The following NME7 variants were observed in gnomAD, a reference collection of about 807,000 sequenced individuals.
NME7 encodes the protein NME/NM23 family member 7.
NME7 carries 41 observed loss-of-function variants against 49.1 expected under a neutral mutation model. That is an observed-to-expected ratio of 0.83 (90% confidence interval 0.65 to 1.08). The LOEUF (loss-of-function observed/expected upper bound fraction) is 1.08, where lower values mean the gene tolerates loss of function less well. NME7 is among the 50% of genes least tolerant of loss of function. The pLI is 0.00. For synonymous variants in NME7, 139 were observed against 150.6 expected (o/e 0.92, Z 0.56); for missense variants, 423 against 463.4 (o/e 0.91, Z 0.80).
At chr1:169,136,968 G>C (rs1275531012) in intron 11 of NME7, among the ~76,000 whole-genome samples, 2 of 152,186 alleles carry the variant, frequency 1.3e-5, no homozygotes, top group African/African-American at 4.8e-5. Context: ...GTACAGATGT[G>C]CTTGAACACT....
At chr1:169,197,005 G>A (rs572992983) in intron 10 of NME7, among the ~76,000 whole-genome samples, 8 of 152,188 alleles carry the variant, frequency 5.3e-5, no homozygotes, top group African/African-American at 1.2e-4. Flanking sequence ...AGTACAGAAC[G>A]GGGTTAGGAA....
intron 10 of NME7, among the ~76,000 whole-genome samples, chr1:169,220,537 A>G (rs1661112288): frequency 6.6e-6 from 1 of 152,098 alleles, no homozygotes; most frequent in South Asian, 2.1e-4. Context: ...TCTCGGTTAG[A>G]CAAATGTTTC....
In NME7 at chr1:169,367,775, C is replaced by T; in HGVS notation, c.-65G>A. The T allele has an allele frequency of 6.2e-7, 1 of 1,603,834 alleles. No homozygotes were observed. Among genetic ancestry groups the T allele is most frequent in the Admixed American group, 1.7e-5 (1 of 60,018 alleles). ...GACAGGAAGACACCACCACCACCACCATCATACGGTTACTCAGGCAACAAA... is the reference window on the plus strand; with the variant it reads ...GACAGGAAGACACCACCACCACCACTATCATACGGTTACTCAGGCAACAAA... On this transcript the variant is annotated 5_prime_UTR_variant, in exon 1 of 12. The change abolishes an upstream ATG in the 5' untranslated region. Coordinates refer to ENST00000367811, the MANE Select transcript of NME7 (RefSeq NM_013330.5).
chr1:169,367,569 G>C (rs1653924065), intron 1 of NME7, 139 bp downstream of exon 1: 3 of 913,182 alleles, frequency 3.3e-6, no homozygotes, highest in Non-Finnish European at 5.5e-6. Flanking sequence ...TGCAGGAACA[G>C]CCCGTGGGAA....
In NME7 at chr1:169,367,792, G is replaced by C; in HGVS notation, c.-82C>G. 6.3e-7 allele frequency: 1 copy of C among 1,579,776 alleles called. No homozygotes were observed. The highest frequency in any genetic ancestry group is 8.7e-7 in the Non-Finnish European group (1 of 1,149,908). On this transcript the variant is annotated 5_prime_UTR_variant, in exon 1 of 12. Coordinates refer to ENST00000367811, the MANE Select transcript of NME7 (RefSeq NM_013330.5). ...ACCACCACCATCATACGGTTACTCAGGCAACAAAGCCCCGCCCACTGTCGC... is the reference window on the plus strand; with the variant it reads ...ACCACCACCATCATACGGTTACTCACGCAACAAAGCCCCGCCCACTGTCGC...
intron 11 of NME7, among the ~76,000 whole-genome samples, chr1:169,165,806 T>C (rs984371145): frequency 6.6e-5 from 10 of 152,198 alleles, no homozygotes; most frequent in Non-Finnish European, 1.2e-4. Context: ...TCCTTGACTA[T>C]CTCAGCACTC....
At chr1:169,231,530 A>T (rs1020648235) in intron 9 of NME7, among the ~76,000 whole-genome samples, 4 of 152,182 alleles carry the variant, frequency 2.6e-5, no homozygotes, top group African/African-American at 9.6e-5. Flanking sequence ...AGTATGCAGA[A>T]AATAAGCTAC....
At chr1:169,159,950 T>C (rs945762348) in intron 11 of NME7, among the ~76,000 whole-genome samples, 24 of 152,156 alleles carry the variant, frequency 1.6e-4, no homozygotes, top group Non-Finnish European at 3.1e-4. Context: ...CCTAGGTGAT[T>C]TCAATGCCAC....
At chr1:169,291,497 T>A (rs1031941860) in intron 6 of NME7, among the ~76,000 whole-genome samples, 2 of 151,944 alleles carry the variant, frequency 1.3e-5, no homozygotes, top group Admixed American at 6.6e-5. Context: ...CACCGTGGCA[T>A]GTTGCGGGGT....
intron 11 of NME7, among the ~76,000 whole-genome samples, chr1:169,133,251 T>C (rs976580805): frequency 1.9e-4 from 29 of 149,864 alleles, no homozygotes; most frequent in African/African-American, 5.6e-4. Flanking sequence ...ATAAAAAAGC[T>C]TTCCAAAAAA....
At chr1:169,251,549 T>TTC (rs1182598883) in intron 7 of NME7, among the ~76,000 whole-genome samples, 2 of 131,686 alleles carry the variant, frequency 1.5e-5, no homozygotes, top group East Asian at 6.8e-4. Context: ...TCTGGTTTCT[T>TTC]TTTTTTTTTT....
chr1:169,210,705 C>A (rs6704482), intron 10 of NME7, among the ~76,000 whole-genome samples: 1 of 151,890 alleles, frequency 6.6e-6, no homozygotes, highest in Admixed American at 6.6e-5. Context: ...TTGCCAGTTA[C>A]GTCATAATCA....
intron 7 of NME7, among the ~76,000 whole-genome samples, chr1:169,261,034 T>C (rs1490825819): frequency 2.3e-5 from 3 of 132,014 alleles, no homozygotes; most frequent in African/African-American, 7.7e-5. Flanking sequence ...ATAACATCAT[T>C]CCCTGAATCA....
chr1:169,200,966 C>T (rs1239506386), intron 10 of NME7, among the ~76,000 whole-genome samples: 2 of 152,046 alleles, frequency 1.3e-5, no homozygotes, highest in Non-Finnish European at 2.9e-5. Flanking sequence ...TGCCATGGCT[C>T]ACATCTGTAA....
Position 169,218,659 on chromosome 1 carries a change from A to ATTT in NME7, c.990+12056_990+12058dup, listed in dbSNP as rs34342694. On this transcript the variant is annotated intron_variant, in intron 10 of 11. Coordinates refer to ENST00000367811, the MANE Select transcript of NME7 (RefSeq NM_013330.5). ...ATTTAAAAAATTTTTCCAATTTTGAATTTTTTTTTTTTTTTTTTTTTTTTA... is the reference window on the plus strand; with the variant it reads ...ATTTAAAAAATTTTTCCAATTTTGAATTTTTTTTTTTTTTTTTTTTTTTTTTTA... Among the ~76,000 whole-genome samples, 183 of 118,150 alleles carry ATTT rather than the reference A, an allele frequency of 1.5e-3. 2 individuals carry two copies. The highest frequency in any genetic ancestry group is 5.1e-3 in the African/African-American group (155 of 30,354). 77.5% of individuals were successfully genotyped at this position (118,150 alleles called of 152,430 possible). A position where few individuals can be genotyped will look rare whatever the true frequency, so the allele number is the denominator to read the frequency against.
chr1:169,188,248 A>G (rs1274722162), intron 10 of NME7, among the ~76,000 whole-genome samples: 2 of 152,140 alleles, frequency 1.3e-5, no homozygotes, highest in Non-Finnish European at 2.9e-5. Context: ...AAATGTCTAT[A>G]AGTATTTTAT....
rs1650713012 is a variant in NME7 at position 169,296,490 on chromosome 1, C to T, written c.648+2066G>A. Among the ~76,000 whole-genome samples, 6 of 152,042 alleles carry T rather than the reference C, an allele frequency of 3.9e-5. No individual in the cohort carries two copies. In the South Asian group the frequency reaches 1.2e-3, roughly 32 times the overall value. On this transcript the variant is annotated intron_variant, in intron 6 of 11. Coordinates refer to ENST00000367811, the MANE Select transcript of NME7 (RefSeq NM_013330.5). ...CTCCTTACCTTTTATCAAGATGTAGCTTCATCTTTGGTCCTCTTTACTTCT... is the reference window on the plus strand; with the variant it reads ...CTCCTTACCTTTTATCAAGATGTAGTTTCATCTTTGGTCCTCTTTACTTCT...
At chr1:169,317,887 G>GGCCATATT (rs1220988911) in intron 3 of NME7, among the ~76,000 whole-genome samples, 2 of 152,192 alleles carry the variant, frequency 1.3e-5, no homozygotes, top group Admixed American at 1.3e-4. Context: ...CTCCATGTCC[G>GGCCATATT]GCCATATTTA....
chr1:169,278,046 CGA>C (rs1473862464), intron 7 of NME7, among the ~76,000 whole-genome samples: 2 of 151,694 alleles, frequency 1.3e-5, no homozygotes, highest in Non-Finnish European at 2.9e-5. Context: ...GAGTTTCTGC[CGA>C]GAGATCCGCT....
Sources: gnomAD v4.1 joint callset for allele counts (sites outside exome capture counted in the v4.1 genomes callset) on GRCh38, gnomAD v4.1.1 for gene constraint, MANE v1.5 for transcripts, NCBI Gene and HGNC (gene_info 2026-07-23, HGNC 2026-07-21) for gene names.